CEP162: variants seen among roughly 807,000 people sequenced by gnomAD.
The protein encoded by CEP162 is centrosomal protein 162, also known as centrosomal protein of 162 kDa.
Under a neutral mutation model 169.2 loss-of-function variants are expected in CEP162, and 141 were observed. That is an observed-to-expected ratio of 0.83 (90% CI 0.73 to 0.96). CEP162 has a LOEUF of 0.96. Among genes scored for constraint, CEP162 ranks in the 40% least tolerant of loss-of-function variants. The probability of loss-of-function intolerance (pLI) is 0.00; values close to 1 mark genes in which losing one functional copy is unlikely to be tolerated. For missense variants in CEP162, 1,600 were observed against 1,587.2 expected, an observed-to-expected ratio of 1.01 and a Z score of -0.14; for synonymous variants, 540 against 526.4, an observed-to-expected ratio of 1.03 and a Z score of -0.35.
At chr6:84,180,460 C>T (rs1163165411) in intron 13 of CEP162, among the ~76,000 whole-genome samples, 4 of 151,950 alleles carry the variant, frequency 2.6e-5, no homozygotes, top group African/African-American at 7.2e-5. Context: ...TCTCTCACCA[C>T]TCCTATTCAA....
intron 13 of CEP162, among the ~76,000 whole-genome samples, chr6:84,178,246 G>C (rs1204064053): frequency 6.6e-6 from 1 of 151,920 alleles, no homozygotes; most frequent in East Asian, 1.9e-4. Context: ...ACGTTTTTAA[G>C]GTAAGATAAT....
chr6:84,185,510 A>C, intron 12 of CEP162, 62 bp from the exon 13 acceptor site: 2 of 1,376,294 alleles, frequency 1.5e-6, no homozygotes, highest in Non-Finnish European at 2.0e-6. Context: ...GTTGTAAATG[A>C]ATATTTAATA....
chr6:84,155,963 C>G (rs2099522975), intron 21 of CEP162, among the ~76,000 whole-genome samples: 1 of 152,150 alleles, frequency 6.6e-6, no homozygotes, highest in African/African-American at 2.4e-5. Flanking sequence ...AGGTATCACA[C>G]TACCTGACTT....
At chr6:84,201,935 T>C (rs1450468107) in intron 7 of CEP162, among the ~76,000 whole-genome samples, 168 bp from the exon 8 acceptor site, 1 of 152,232 alleles carries the variant, frequency 6.6e-6, no homozygotes, top group African/African-American at 2.4e-5. Context: ...CATTTATCAA[T>C]AATTCTTCAA....
chr6:84,127,824 A>G (rs1463470416), intron 25 of CEP162, among the ~76,000 whole-genome samples: 1 of 152,168 alleles, frequency 6.6e-6, no homozygotes, highest in Non-Finnish European at 1.5e-5. Flanking sequence ...TGATAAAGGG[A>G]TGGCCAATGA....
intron 9 of CEP162, among the ~76,000 whole-genome samples, chr6:84,198,625 C>T (rs1435259479): frequency 6.6e-6 from 1 of 152,092 alleles, no homozygotes; most frequent in Non-Finnish European, 1.5e-5. Context: ...TTCAATACCT[C>T]AAAGCCAACA....
chr6:84,199,313 T>C (rs1378305276), intron 9 of CEP162, among the ~76,000 whole-genome samples: 2 of 152,176 alleles, frequency 1.3e-5, no homozygotes, highest in African/African-American at 4.8e-5. Flanking sequence ...CTTATAGTTG[T>C]AATTTTTTTA....
intron 2 of CEP162, among the ~76,000 whole-genome samples, chr6:84,225,121 T>C (rs1049534623): frequency 2.0e-5 from 3 of 152,210 alleles, no homozygotes; most frequent in South Asian, 4.1e-4. Context: ...TGTGACTCTC[T>C]TGAATGCTCT....
intron 18 of CEP162, among the ~76,000 whole-genome samples, chr6:84,164,093 T>C (rs1180268905): frequency 6.7e-6 from 1 of 150,000 alleles, no homozygotes; most frequent in African/African-American, 2.5e-5. Flanking sequence ...AACAAACATA[T>C]GAAAAAAAGC....
chr6:84,168,118 A>ATTTT, intron 18 of CEP162, among the ~76,000 whole-genome samples: 1 of 152,306 alleles, frequency 6.6e-6, no homozygotes, highest in African/African-American at 2.4e-5. Context: ...TGTTCAAAAC[A>ATTTT]GGACTTTTAA....
chr6:84,124,798 A>T lies in CEP162; in HGVS notation c.*272T>A, dbSNP rs1178112371. The T allele has an allele frequency of 1.5e-5, 6 of 401,984 alleles. No homozygotes were observed. The Admixed American group carries it at 2.8e-4, about 19-fold the overall frequency. The allele number at this position is 401,984 out of a possible 1,614,324, so 24.9% of individuals were successfully genotyped here. On this transcript the variant is annotated 3_prime_UTR_variant, in exon 27 of 27. Transcript: ENST00000403245. Reference sequence around the variant, plus strand: ...GTATGTTCAATTTTCTTTTCTTTCTATTTCTAGCATACAAGTGAGCCCTTC... The same window carrying T: ...GTATGTTCAATTTTCTTTTCTTTCTTTTTCTAGCATACAAGTGAGCCCTTC...
chr6:84,222,232 A>T (rs929046769), intron 2 of CEP162, among the ~76,000 whole-genome samples: 1 of 152,070 alleles, frequency 6.6e-6, no homozygotes, highest in African/African-American at 2.4e-5. Context: ...ATAAAGTACC[A>T]CTGTCAGTTA....
chr6:84,161,715 G>A (rs1588762246), intron 20 of CEP162, 31 bp downstream of exon 20: 2 of 1,340,070 alleles, frequency 1.5e-6, no homozygotes, highest in South Asian at 1.5e-5. Context: ...GATTCATCTA[G>A]AGAAGAAATA....
Position 84,155,292 on chromosome 6 carries a change from A to G in CEP162, c.2994+6T>C. On this transcript the variant is annotated splice_donor_region_variant and intron_variant, in intron 22 of 26. Transcript: ENST00000403245. ...ACCTTTATCTCTGAGGCTACTTACC[A>G]CTTACCTTCATTTTCTGAAACTGTT... The G allele has an allele frequency of 3.7e-6, 6 of 1,611,008 alleles. No individual in the cohort carries two copies. Among genetic ancestry groups the G allele is most frequent in the Middle Eastern group, 1.7e-4 (1 of 6,048 alleles).
chr6:84,183,506 A>G (rs1253347139), intron 13 of CEP162, among the ~76,000 whole-genome samples: 1 of 152,036 alleles, frequency 6.6e-6, no homozygotes, highest in African/African-American at 2.4e-5. Context: ...TATGACTATC[A>G]TCTTTGTTTT....
Position 84,174,045 on chromosome 6 carries a change from T to C in CEP162, c.2166+3A>G, listed in dbSNP as rs560239423. 5.3e-5 allele frequency: 85 copies of C among 1,608,068 alleles called. 1 individual carries two copies. The highest frequency in any genetic ancestry group is 1.4e-4 in the Admixed American group (8 of 58,680). ...TTTGCCATATGTTGAAGAATTGCCA[T>C]ACCTGTTGATATCCTTGAAGAAGTG... On this transcript the variant is annotated splice_donor_region_variant and intron_variant, in intron 16 of 26. Coordinates refer to ENST00000403245, the MANE Select transcript of CEP162 (RefSeq NM_014895.4).
At chr6:84,136,174 CAAA>C (rs1314339874) in intron 25 of CEP162, among the ~76,000 whole-genome samples, 1 of 152,182 alleles carries the variant, frequency 6.6e-6, no homozygotes, top group African/African-American at 2.4e-5. Flanking sequence ...AACTACTGGA[CAAA>C]AACAACTGAT....
At chr6:84,154,379 C>CCTATCTAT (rs143560563) in intron 22 of CEP162, among the ~76,000 whole-genome samples, 3 of 124,858 alleles carry the variant, frequency 2.4e-5, no homozygotes, top group East Asian at 4.0e-4. Flanking sequence ...TATCTATCTA[C>CCTATCTAT]CTATCTATCT....
In CEP162 at chr6:84,193,695, G is replaced by A; in HGVS notation, c.1028-5C>T. 1 of 1,542,588 alleles carries A rather than the reference G, an allele frequency of 6.5e-7. No homozygotes were observed. The highest frequency in any genetic ancestry group is 1.4e-5 in the African/African-American group (1 of 72,804). ...GCTCCTCTACTGTGGGCAGATCTAAGAGGTGGAAAAAAAAGTAGAAACGAA... is the reference window on the plus strand; with the variant it reads ...GCTCCTCTACTGTGGGCAGATCTAAAAGGTGGAAAAAAAAGTAGAAACGAA... On this transcript the variant is annotated splice_region_variant and splice_polypyrimidine_tract_variant and intron_variant, in intron 10 of 26. Transcript: ENST00000403245.
Sources: allele counts gnomAD v4.1 joint callset (sites outside exome capture counted in the v4.1 genomes callset), GRCh38; gene constraint gnomAD v4.1.1; transcripts MANE v1.5; gene names NCBI Gene and HGNC (gene_info 2026-07-23, HGNC 2026-07-21).